The following HTR2C variants were observed in gnomAD, a reference collection of about 807,000 sequenced individuals.
HTR2C encodes 5-hydroxytryptamine receptor 2C.
HTR2C carries 5 observed loss-of-function variants against 21.0 expected under a neutral mutation model. The observed-to-expected ratio is 0.24, with a 90% CI of 0.12 to 0.50. HTR2C has a LOEUF of 0.50. HTR2C is among the 20% of genes least tolerant of loss of function. The pLI is 0.98. For missense variants in HTR2C, 271 were observed against 371.2 expected (o/e 0.73, Z 2.22); for synonymous variants, 150 against 145.3 (o/e 1.03, Z -0.23).
At chrX:114,852,418 CA>C (rs1172072002) in intron 5 of HTR2C, among the ~76,000 whole-genome samples, 3,786 of 89,290 alleles carry the variant, frequency 0.042, 171 homozygotes, top group African/African-American at 0.13. Context: ...TTTATTTTTG[CA>C]AAAAAAAAAA....
At chrX:114,721,120 T>G (rs1933188071) in intron 2 of HTR2C, among the ~76,000 whole-genome samples, 1 of 51,546 alleles carries the variant, frequency 1.9e-5, no homozygotes, top group African/African-American at 8.7e-5. Flanking sequence ...TGAACTAGTT[T>G]ACAGTCCCAC....
At position 114,731,600 on chromosome X, in the gene HTR2C, C is replaced by T; in HGVS notation, c.342C>T (p.Ile114=). ...TCATGCCCCTGTCTCTCCTGGCAAT[C>T]CTTTATGGTAAGTACAATTTTATTC... ...LLVMPLSLLA[I]LYDYVWPLPR... The change falls in exon 4 of 6, where the codon ATC becomes ATT. Residue 114 remains isoleucine, a synonymous_variant. Coordinates refer to ENST00000276198, the MANE Select transcript of HTR2C (RefSeq NM_000868.4). The T allele has an allele frequency of 8.5e-7, 1 of 1,172,499 alleles. No individual in the cohort carries two copies. The highest frequency in any genetic ancestry group is 1.9e-5 in the South Asian group (1 of 54,029).
intron 4 of HTR2C, among the ~76,000 whole-genome samples, chrX:114,767,989 ATTTG>A (rs1177448245): frequency 9.0e-6 from 1 of 110,744 alleles, no homozygotes. Context: ...TTATAGTATA[ATTTG>A]TTTGGTTACT....
At chrX:114,750,565 T>A (rs1490432216) in intron 4 of HTR2C, among the ~76,000 whole-genome samples, 2 of 112,388 alleles carry the variant, frequency 1.8e-5, no homozygotes, top group Non-Finnish European at 3.8e-5. Flanking sequence ...TGCCAGGCAC[T>A]GTTTTAAGCA....
chrX:114,737,229 C>CT (rs200101973), intron 4 of HTR2C, among the ~76,000 whole-genome samples: 2,540 of 97,265 alleles, frequency 0.026, 132 homozygotes, highest in African/African-American at 0.093. Flanking sequence ...CTTTTCTTTT[C>CT]TTTTTTTTTT....
At chrX:114,702,657 G>A (rs1378382838) in intron 2 of HTR2C, among the ~76,000 whole-genome samples, 2 of 110,629 alleles carry the variant, frequency 1.8e-5, no homozygotes, top group African/African-American at 3.3e-5. Flanking sequence ...ATCAACTAAT[G>A]AGCAAAATAA....
chrX:114,712,213 T>C, intron 2 of HTR2C, among the ~76,000 whole-genome samples: 1 of 111,883 alleles, frequency 8.9e-6, no homozygotes. Context: ...ATCCCTGGAA[T>C]GAGAGAAAAG....
intron 2 of HTR2C, among the ~76,000 whole-genome samples, chrX:114,713,497 A>C (rs1007909955): frequency 1.8e-5 from 2 of 111,317 alleles, no homozygotes; most frequent in Non-Finnish European, 3.8e-5. Flanking sequence ...TTATAGAACA[A>C]GTCTGTGTGA....
chrX:114,907,245 G>A lies in HTR2C; in HGVS notation c.1207G>A (p.Ala403Thr), dbSNP rs1672836531. The change falls in exon 6 of 6, where the codon GCC becomes ACC. Residue 403 changes from alanine (A) to threonine (T), a missense_variant. Physicochemically the swap from Ala to Thr is moderately conservative, Grantham distance 58. Around this residue, in one of 5 missense-constraint regions of HTR2C, gnomAD observed 192 missense variants for 247.2 expected, o/e 0.78. Coordinates refer to ENST00000276198, the MANE Select transcript of HTR2C (RefSeq NM_000868.4). ...PPVRQIPRVAATALSGRELNV... is the reference protein window; with the variant it reads ...PPVRQIPRVATTALSGRELNV... ...TGTCAGGCAGATTCCAAGAGTTGCC[G>A]CCACTGCTTTGTCTGGGAGGGAGCT... is the stretch of plus-strand genomic sequence containing the variant. The A allele has an allele frequency of 1.1e-5, 13 of 1,209,475 alleles. No individual in the cohort carries two copies. The highest frequency in any genetic ancestry group is 1.8e-5 in the South Asian group (1 of 56,747).
chrX:114,900,507 C>A, intron 5 of HTR2C: 1 of 120,613 alleles, frequency 8.3e-6, no homozygotes, highest in South Asian at 2.8e-4. Context: ...GAGATACTGT[C>A]AACACACATG....
At chrX:114,744,872 C>G (rs932017404) in intron 4 of HTR2C, among the ~76,000 whole-genome samples, 2 of 112,156 alleles carry the variant, frequency 1.8e-5, no homozygotes, top group African/African-American at 6.5e-5. Flanking sequence ...AGAATCACTG[C>G]AAAACCTGTA....
intron 4 of HTR2C, chrX:114,776,624 A>G: frequency 1.9e-6 from 1 of 514,607 alleles, no homozygotes; most frequent in South Asian, 2.6e-5. Context: ...GGCATCACCA[A>G]TCAATCATTC....
intron 2 of HTR2C, among the ~76,000 whole-genome samples, chrX:114,635,539 T>G (rs1929809008): frequency 8.9e-6 from 1 of 112,150 alleles, no homozygotes; most frequent in African/African-American, 3.2e-5. Context: ...ACTGGCTAAC[T>G]TTGTATCATT....
rs146044502 is a variant in HTR2C, at chrX:114,615,123, A to G, written c.-80+1242A>G. On this transcript the variant is annotated intron_variant, in intron 2 of 5. Transcript: ENST00000276198. ...AAATTCGAAAGAGGATAGGGATGGA[A>G]TAAGGTTGGGAATGTCTGCTGCACA... 1.8e-3 allele frequency among the ~76,000 whole-genome samples: 201 copies of G among 111,707 alleles called. 1 individual carries two copies. The highest frequency in any genetic ancestry group is 4.6e-3 in the Middle Eastern group (1 of 218).
intron 2 of HTR2C, among the ~76,000 whole-genome samples, chrX:114,697,880 G>A (rs1332780177): frequency 1.8e-5 from 2 of 112,252 alleles, no homozygotes; most frequent in Non-Finnish European, 3.8e-5. Flanking sequence ...AGAAGTCCAG[G>A]GACCTCATCT....
intron 2 of HTR2C, among the ~76,000 whole-genome samples, chrX:114,645,923 G>T (rs1319206588): frequency 9.0e-6 from 1 of 111,254 alleles, no homozygotes; most frequent in Non-Finnish European, 1.9e-5. Flanking sequence ...CCGGAAAAGA[G>T]AAAATTAGAT....
rs201583846 is a variant in HTR2C at position 114,906,689 on chromosome X, T to C, written c.651T>C (p.Ile217=). 5.5e-5 allele frequency: 66 copies of C among 1,208,856 alleles called. No homozygotes were observed. The South Asian group carries it at 8.1e-4, about 15-fold the overall frequency. The change falls in exon 6 of 6, where the codon ATT becomes ATC. Residue 217 remains isoleucine, a synonymous_variant. Coordinates refer to ENST00000276198, the MANE Select transcript of HTR2C (RefSeq NM_000868.4). ...CVLNDPNFVL[I]GSFVAFFIPL... is the part of the protein sequence containing the mutation. ...TCAACGACCCAAATTTCGTTCTTAT[T>C]GGGTCCTTCGTAGCTTTCTTCATAC... is the stretch of plus-strand genomic sequence containing the variant.
intron 2 of HTR2C, among the ~76,000 whole-genome samples, chrX:114,703,268 C>T (rs1367895855): frequency 2.0e-4 from 21 of 107,237 alleles, no homozygotes; most frequent in Non-Finnish European, 2.5e-4. Flanking sequence ...TTTTTTTCAG[C>T]ACCACACCAC....
chrX:114,607,547 T>G (rs1556397431), intron 1 of HTR2C, among the ~76,000 whole-genome samples: 1 of 112,174 alleles, frequency 8.9e-6, no homozygotes, highest in East Asian at 2.8e-4. Flanking sequence ...CTTATTCAAT[T>G]TTTTAATATT....
Sources: allele counts gnomAD v4.1 joint callset (sites outside exome capture counted in the v4.1 genomes callset), GRCh38; gene constraint gnomAD v4.1.1; regional missense constraint gnomAD v4.1.1; transcripts MANE v1.5; gene names NCBI Gene and HGNC (gene_info 2026-07-23, HGNC 2026-07-21).